PRKAG2: variants seen among roughly 807,000 people sequenced by gnomAD.
PRKAG2 encodes 5'-AMP-activated protein kinase subunit gamma-2.
In PRKAG2, 26 loss-of-function variants were observed where a neutral mutation model predicts 69.6. That is an observed-to-expected ratio of 0.37 (90% CI 0.27 to 0.52). PRKAG2 has a LOEUF of 0.52. Among genes scored for constraint, PRKAG2 ranks in the 20% least tolerant of loss-of-function variants. The pLI is 0.90. For synonymous variants in PRKAG2, 293 were observed against 285.0 expected (o/e 1.03, Z -0.28); for missense variants, 557 against 740.0 (o/e 0.75, Z 2.87).
chr7:151,792,253 T>C (rs894459578), intron 1 of PRKAG2, among the ~76,000 whole-genome samples: 34 of 152,310 alleles, frequency 2.2e-4, no homozygotes, highest in African/African-American at 7.9e-4. Context: ...ATACTAACTT[T>C]CTCTTCAAGT....
intron 10 of PRKAG2, among the ~76,000 whole-genome samples, chr7:151,569,065 T>A (rs888727656): frequency 6.6e-6 from 1 of 152,052 alleles, no homozygotes; most frequent in Admixed American, 6.5e-5. Context: ...GAAGAGGAGA[T>A]TTTTTTTGGT....
intron 3 of PRKAG2, among the ~76,000 whole-genome samples, chr7:151,733,981 C>G (rs1770759324): frequency 6.6e-6 from 1 of 152,170 alleles, no homozygotes. Flanking sequence ...AGGCTTGAGC[C>G]ACCGCACCTG....
chr7:151,845,093 A>G (rs1419676347), intron 1 of PRKAG2, among the ~76,000 whole-genome samples: 1 of 132,092 alleles, frequency 7.6e-6, no homozygotes, highest in African/African-American at 3.3e-5. Context: ...CCCTGTTCCC[A>G]GCTGCCCCCC....
intron 15 of PRKAG2, chr7:151,560,057 A>G (rs1804561779): frequency 2.0e-6 from 2 of 984,888 alleles, no homozygotes; most frequent in South Asian, 4.7e-5. Flanking sequence ...AGTGAATGTG[A>G]TTTCTGTACA....
intron 3 of PRKAG2, among the ~76,000 whole-genome samples, chr7:151,728,154 C>A (rs984363775): frequency 6.6e-6 from 1 of 152,190 alleles, no homozygotes; most frequent in African/African-American, 2.4e-5. Flanking sequence ...TCATGAGACA[C>A]CCGGAGGCCA....
chr7:151,632,135 C>T lies in PRKAG2; in HGVS notation c.688G>A (p.Ala230Thr). ...GCGGGTCCCAGGGCCGCCGCCAGCGCCGCCTGAGGGGGAGGAGGAGGACAG... is the reference window on the plus strand; with the variant it reads ...GCGGGTCCCAGGGCCGCCGCCAGCGTCGCCTGAGGGGGAGGAGGAGGACAG... ...PTHYAPSKAA[A>T]LAAALGPAEA... is the part of the protein sequence containing the mutation. The change falls in exon 5 of 16, where the codon GCG (alanine) becomes ACG (threonine). Residue 230 changes from alanine to threonine, a missense_variant. Around this residue, in one of 2 missense-constraint regions of PRKAG2, gnomAD observed 352 missense variants for 356.7 expected, o/e 0.99. Transcript: ENST00000287878. This position sits in a 1 kb window ranked among gnomAD's most constrained non-coding sequence, Gnocchi z 4.2. 1 of 1,404,018 alleles carries T rather than the reference C, an allele frequency of 7.1e-7. No individual in the cohort carries two copies. The highest frequency in any genetic ancestry group is 9.4e-7 in the Non-Finnish European group (1 of 1,065,458). 87.0% of individuals were successfully genotyped at this position (1,404,018 alleles called of 1,614,324 possible). A position where few individuals can be genotyped will look rare whatever the true frequency, so the allele number is the denominator to read the frequency against.
At chr7:151,804,863 A>G (rs2078023018) in intron 1 of PRKAG2, among the ~76,000 whole-genome samples, 1 of 152,200 alleles carries the variant, frequency 6.6e-6, no homozygotes, top group African/African-American at 2.4e-5. Context: ...TGCTGTTCAT[A>G]GAACAAAACC....
chr7:151,826,532 A>G (rs1381652079), intron 1 of PRKAG2, among the ~76,000 whole-genome samples: 1 of 152,122 alleles, frequency 6.6e-6, no homozygotes, highest in African/African-American at 2.4e-5. Flanking sequence ...AGCTCTTCAT[A>G]AGGAGGAAAT....
At chr7:151,827,757 A>AAAAAC (rs2078935969) in intron 1 of PRKAG2, among the ~76,000 whole-genome samples, 2 of 147,818 alleles carry the variant, frequency 1.4e-5, no homozygotes, top group Non-Finnish European at 3.0e-5. Flanking sequence ...AAAAAAAAAA[A>AAAAAC]AAAAAAAAAA....
At chr7:151,572,889 G>A (rs1427284570) in intron 8 of PRKAG2, among the ~76,000 whole-genome samples, 180 bp from the exon 9 acceptor site, 3 of 152,192 alleles carry the variant, frequency 2.0e-5, no homozygotes, top group Non-Finnish European at 4.4e-5. Flanking sequence ...AAGGTGGGCA[G>A]ATCACCTGAG....
rs990836343 is a variant in PRKAG2, at chr7:151,777,454, T to G, written c.466+3698A>C. On this transcript the variant is annotated intron_variant, in intron 3 of 15. Coordinates refer to ENST00000287878, the MANE Select transcript of PRKAG2 (RefSeq NM_016203.4). The surrounding 1 kb of genome is among the most constrained non-coding windows in gnomAD (Gnocchi z 4.3). ...TGGGGGCAGATGCCTCATGAATGGC[T>G]GGGTTGCCTCCCTGCGGCAGTGAGT... is the stretch of plus-strand genomic sequence containing the variant. Among the ~76,000 whole-genome samples, 2 of 152,312 alleles carry G rather than the reference T, an allele frequency of 1.3e-5. No individual in the cohort carries two copies. The highest frequency in any genetic ancestry group is 3.9e-4 in the East Asian group (2 of 5,176).
At chr7:151,635,282 G>GT (rs774959157) in intron 4 of PRKAG2, among the ~76,000 whole-genome samples, 1 of 152,162 alleles carries the variant, frequency 6.6e-6, no homozygotes, top group African/African-American at 2.4e-5. Context: ...CAATTTGGCA[G>GT]TTTTTTATAA....
chr7:151,613,628 G>C (rs530837667), intron 5 of PRKAG2, among the ~76,000 whole-genome samples: 35 of 151,826 alleles, frequency 2.3e-4, no homozygotes, highest in African/African-American at 8.0e-4. Flanking sequence ...CTCCCAAGCA[G>C]CTGGGATTAC....
intron 5 of PRKAG2, 51 bp from the exon 6 acceptor site, chr7:151,595,505 C>T (rs1297827879): frequency 7.2e-6 from 9 of 1,241,810 alleles, no homozygotes; most frequent in South Asian, 7.2e-5. Flanking sequence ...TTCCCTCAAT[C>T]GGATGAAGAG....
intron 4 of PRKAG2, among the ~76,000 whole-genome samples, chr7:151,663,905 A>C (rs1830669556): frequency 6.6e-6 from 1 of 152,246 alleles, no homozygotes; most frequent in South Asian, 2.1e-4. Flanking sequence ...AACTTTCTGA[A>C]AAAAGCCCAG....
At chr7:151,629,409 G>A (rs1297693126) in intron 5 of PRKAG2, among the ~76,000 whole-genome samples, 2 of 152,202 alleles carry the variant, frequency 1.3e-5, no homozygotes, top group Non-Finnish European at 1.5e-5. Context: ...TGAGCCTGCG[G>A]AGTAAGAGAA....
At chr7:151,631,985 G>A (rs1390149451) in intron 5 of PRKAG2, 84 bp downstream of exon 5, 9 of 1,124,596 alleles carry the variant, frequency 8.0e-6, no homozygotes, top group African/African-American at 3.3e-5. Context: ...CGCCGGAGAT[G>A]GGGCGCGGGG....
chr7:151,563,962 C>G (rs1019427909), intron 14 of PRKAG2, 116 bp downstream of exon 14: 8 of 1,431,742 alleles, frequency 5.6e-6, no homozygotes, highest in South Asian at 1.2e-5. Context: ...ATCGACTGAA[C>G]CTGGAGGCTG....
chr7:151,639,882 TATCA>T (rs1326043783), intron 4 of PRKAG2, among the ~76,000 whole-genome samples: 2 of 151,916 alleles, frequency 1.3e-5, no homozygotes, highest in Admixed American at 6.6e-5. Context: ...CTCATCCATC[TATCA>T]GTCAGTCAAT....
Sources: gnomAD v4.1 joint callset for allele counts (sites outside exome capture counted in the v4.1 genomes callset) on GRCh38, gnomAD v4.1.1 for gene constraint, gnomAD v4.1.1 regional missense constraint, Gnocchi (gnomAD v3.1) non-coding constraint, MANE v1.5 for transcripts, NCBI Gene and HGNC (gene_info 2026-07-23, HGNC 2026-07-21) for gene names.